Variants in AGBL4 observed in about 807,000 individuals in gnomAD.
The protein encoded by AGBL4 is AGBL carboxypeptidase 4.
In AGBL4, 58 loss-of-function variants were observed where a neutral mutation model predicts 66.4. The observed-to-expected ratio is 0.87, with a 90% confidence interval of 0.71 to 1.09. The LOEUF is 1.09. AGBL4 is among the 50% of genes least tolerant of loss of function. AGBL4 has a pLI of 0.00. For missense variants in AGBL4, 579 were observed against 631.0 expected (o/e 0.92, Z 0.88); for synonymous variants, 234 against 222.9 (o/e 1.05, Z -0.44).
At chr1:48,979,869 A>G (rs1659609131) in intron 5 of AGBL4, among the ~76,000 whole-genome samples, 1 of 152,158 alleles carries the variant, frequency 6.6e-6, no homozygotes, top group Non-Finnish European at 1.5e-5. Flanking sequence ...AGGTTTTATG[A>G]GTTGAAATTA....
chr1:48,742,613 A>C (rs371459284), intron 6 of AGBL4: 3 of 1,540,972 alleles, frequency 1.9e-6, no homozygotes, highest in African/African-American at 2.8e-5. Context: ...TATTGAGCTT[A>C]AAACACTACC....
rs549206370 is a variant in AGBL4 at position 50,004,459 on chromosome 1, A to G, written c.34+19304T>C. On this transcript the variant is annotated intron_variant, in intron 1 of 13. Transcript: ENST00000371839. Reference sequence around the variant, plus strand: ...AGGATAGCCAAGGGAATGCTTGTGCATCCCTCCCCCAACCCCAGGCAGTGC... The same window carrying G: ...AGGATAGCCAAGGGAATGCTTGTGCGTCCCTCCCCCAACCCCAGGCAGTGC... Among the ~76,000 whole-genome samples, 3 of 152,274 alleles carry G rather than the reference A, an allele frequency of 2.0e-5. No homozygotes were observed. In the South Asian group the frequency reaches 6.2e-4, roughly 32 times the overall value.
chr1:49,482,432 G>T (rs187782464), intron 3 of AGBL4, among the ~76,000 whole-genome samples: 2 of 152,004 alleles, frequency 1.3e-5, no homozygotes, highest in East Asian at 3.9e-4. Flanking sequence ...GTCCATAGGG[G>T]TTTATAATAT....
At chr1:49,410,106 G>A (rs1645286199) in intron 3 of AGBL4, among the ~76,000 whole-genome samples, 1 of 152,090 alleles carries the variant, frequency 6.6e-6, no homozygotes, top group African/African-American at 2.4e-5. Context: ...ACCTCTTGTT[G>A]AACCCAAATG....
intron 6 of AGBL4, among the ~76,000 whole-genome samples, chr1:48,755,718 C>T (rs1652446005): frequency 1.3e-5 from 2 of 152,144 alleles, no homozygotes; most frequent in East Asian, 1.9e-4. Context: ...AGACTTCTCC[C>T]TTCAGACGCT....
chr1:48,951,847 C>T (rs1286118683), intron 5 of AGBL4, among the ~76,000 whole-genome samples: 1 of 152,166 alleles, frequency 6.6e-6, no homozygotes, highest in African/African-American at 2.4e-5. Flanking sequence ...ATAGGAAAAG[C>T]TAACAGGAAG....
intron 11 of AGBL4, among the ~76,000 whole-genome samples, chr1:48,541,379 C>A (rs1165758905): frequency 6.6e-6 from 1 of 152,240 alleles, no homozygotes; most frequent in Non-Finnish European, 1.5e-5. Context: ...TTCTAGCCTG[C>A]AAGCTCTATG....
chr1:49,027,835 G>A (rs1012085176), intron 5 of AGBL4, among the ~76,000 whole-genome samples: 8 of 152,178 alleles, frequency 5.3e-5, no homozygotes, highest in African/African-American at 1.9e-4. Flanking sequence ...CAGCTAATTT[G>A]CAGGACAGAG....
chr1:48,874,513 A>C (rs554271523), intron 5 of AGBL4, among the ~76,000 whole-genome samples: 1 of 152,238 alleles, frequency 6.6e-6, no homozygotes, highest in Non-Finnish European at 1.5e-5. Context: ...GGAAGACTAG[A>C]TTTCTTAGTT....
intron 4 of AGBL4, among the ~76,000 whole-genome samples, chr1:49,235,182 G>T (rs1650623022): frequency 1.3e-5 from 2 of 152,126 alleles, no homozygotes; most frequent in South Asian, 4.2e-4. Flanking sequence ...TAAGGCTCAG[G>T]TCCTTCCTTC....
At chr1:49,460,959 G>T (rs566073137) in intron 3 of AGBL4, among the ~76,000 whole-genome samples, 1 of 151,820 alleles carries the variant, frequency 6.6e-6, no homozygotes, top group African/African-American at 2.4e-5. Flanking sequence ...TTTCTGCTGA[G>T]AAATCTGCTG....
chr1:48,674,134 C>T (rs1215103743), intron 6 of AGBL4, among the ~76,000 whole-genome samples: 1 of 152,228 alleles, frequency 6.6e-6, no homozygotes, highest in Non-Finnish European at 1.5e-5. Context: ...CTAGTTTCCT[C>T]ACACCTCTGT....
At chr1:49,361,605 C>T (rs908925576) in intron 3 of AGBL4, among the ~76,000 whole-genome samples, 1 of 152,208 alleles carries the variant, frequency 6.6e-6, no homozygotes, top group African/African-American at 2.4e-5. Flanking sequence ...GCATTACAGG[C>T]ATGAGCCACC....
At chr1:49,895,283 G>A (rs574173986) in intron 1 of AGBL4, among the ~76,000 whole-genome samples, 11 of 150,576 alleles carry the variant, frequency 7.3e-5, no homozygotes, top group African/African-American at 2.2e-4. Flanking sequence ...ATAAAGAAAG[G>A]GACATTAATG....
At chr1:49,382,091 C>T (rs961709945) in intron 3 of AGBL4, among the ~76,000 whole-genome samples, 5 of 152,068 alleles carry the variant, frequency 3.3e-5, no homozygotes, top group African/African-American at 1.2e-4. Context: ...TCCACATGAA[C>T]ATTTCTAGTA....
intron 6 of AGBL4, among the ~76,000 whole-genome samples, chr1:48,695,008 C>T (rs1646693017): frequency 6.6e-6 from 1 of 152,226 alleles, no homozygotes; most frequent in Admixed American, 6.5e-5. Flanking sequence ...CCTCCCCACC[C>T]TACTGGCTCT....
intron 3 of AGBL4, among the ~76,000 whole-genome samples, chr1:49,481,783 T>C (rs1646961163): frequency 6.6e-6 from 1 of 151,820 alleles, no homozygotes; most frequent in South Asian, 2.1e-4. Flanking sequence ...GCTCTTACTA[T>C]TTTGCGGTGT....
At chr1:49,692,219 T>A (rs751496151) in intron 3 of AGBL4, among the ~76,000 whole-genome samples, 1 of 152,102 alleles carries the variant, frequency 6.6e-6, no homozygotes, top group African/African-American at 2.4e-5. Context: ...ATTTTACAGA[T>A]GAGAAAACTG....
intron 6 of AGBL4, among the ~76,000 whole-genome samples, chr1:48,743,875 G>T (rs1178554801): frequency 2.0e-5 from 3 of 152,214 alleles, no homozygotes; most frequent in Non-Finnish European, 4.4e-5. Context: ...TCATGATACA[G>T]CTTCCCAGGA....
Sources: allele counts gnomAD v4.1 joint callset (sites outside exome capture counted in the v4.1 genomes callset), GRCh38; gene constraint gnomAD v4.1.1; transcripts MANE v1.5; gene names NCBI Gene and HGNC (gene_info 2026-07-23, HGNC 2026-07-21).